The following CSMD2 variants were observed in gnomAD, a reference collection of about 807,000 sequenced individuals.
The protein encoded by CSMD2 is CUB and Sushi multiple domains 2, also known as CUB and sushi domain-containing protein 2.
In CSMD2, 130 loss-of-function variants were observed where a neutral mutation model predicts 398.5. That is an observed-to-expected ratio of 0.33 (90% CI 0.28 to 0.38). The LOEUF is 0.38. Ranked by LOEUF, CSMD2 falls within the 10% of genes least tolerant of loss-of-function variation. The probability of loss-of-function intolerance (pLI) is 1.00; values close to 1 mark genes in which losing one functional copy is unlikely to be tolerated. For synonymous variants in CSMD2, 1,828 were observed against 1,908.5 expected, an observed-to-expected ratio of 0.96 and a Z score of 1.10; for missense variants, 3,829 against 4,764.9, an observed-to-expected ratio of 0.80 and a Z score of 5.78.
chr1:33,903,607 A>G (rs1455812347), intron 5 of CSMD2, among the ~76,000 whole-genome samples: 1 of 152,202 alleles, frequency 6.6e-6, no homozygotes, highest in Non-Finnish European at 1.5e-5. Context: ...TCCTCCAAAC[A>G]AACCAACCTT....
At position 33,696,467 on chromosome 1, in the gene CSMD2, T is replaced by A. The variant is rs562525310; in HGVS notation, c.3925+2286A>T. ...GTTGGGGTGGGAGGTGCCAACCTGA[T>A]TGAAAGATGCCAGGCTGAATGGACC... On this transcript the variant is annotated intron_variant, in intron 24 of 70. Coordinates refer to ENST00000373381, the MANE Select transcript of CSMD2 (RefSeq NM_001281956.2). Among the ~76,000 whole-genome samples the A allele has an allele frequency of 4.6e-5, 7 of 152,172 alleles. No homozygotes were observed. The Middle Eastern group carries it at 0.01, about 222-fold the overall frequency.
intron 10 of CSMD2, among the ~76,000 whole-genome samples, chr1:33,809,808 A>G (rs1031890941): frequency 1.3e-5 from 2 of 152,148 alleles, no homozygotes; most frequent in African/African-American, 4.8e-5. Flanking sequence ...TTTTTACAAG[A>G]TAGTTGCTAA....
chr1:33,851,458 G>C (rs1558003275), intron 5 of CSMD2, among the ~76,000 whole-genome samples: 1 of 152,180 alleles, frequency 6.6e-6, no homozygotes, highest in African/African-American at 2.4e-5. Flanking sequence ...TGGCCTAGGA[G>C]AATGTGAAAT....
chr1:33,995,956 G>A (rs1254159360), intron 3 of CSMD2, among the ~76,000 whole-genome samples: 1 of 152,134 alleles, frequency 6.6e-6, no homozygotes, highest in African/African-American at 2.4e-5. Flanking sequence ...GTCACTTTGT[G>A]GGAAATACAA....
intron 44 of CSMD2, among the ~76,000 whole-genome samples, chr1:33,595,450 C>T (rs908098195): frequency 3.9e-5 from 6 of 152,152 alleles, no homozygotes; most frequent in African/African-American, 1.2e-4. Context: ...TTCTCCACTT[C>T]TTTTTCCCTT....
chr1:33,635,371 GCCTCTTACCAGTGA>G lies in CSMD2; in HGVS notation c.4970-55_4970-42del, dbSNP rs777916314. On this transcript the variant is annotated intron_variant, in intron 30 of 70. Transcript: ENST00000373381. This position sits in a 1 kb window ranked among gnomAD's most constrained non-coding sequence, Gnocchi z 5.0. ...GATAGAGAGTCAGGTGACCTTGTGG[GCCTCTTACCAGTGA>G]CCATCCTCTGTTCTGCCCCAGCCTG... 1 of 1,249,158 alleles carries G rather than the reference GCCTCTTACCAGTGA, an allele frequency of 8.0e-7. No homozygotes were observed. The highest frequency in any genetic ancestry group is 1.2e-5 in the South Asian group (1 of 81,398). The allele number at this position is 1,249,158 out of a possible 1,614,324, so 77.4% of individuals were successfully genotyped here.
rs188256945 is a variant in CSMD2 at position 33,626,477 on chromosome 1, C to T, written c.5296+9G>A. 2.0e-4 allele frequency: 313 copies of T among 1,593,282 alleles called. 1 individual carries two copies. The East Asian group carries it at 6.5e-3, about 33-fold the overall frequency. ...ACCTTCCTACCTCCGGCGTCCATGT[C>T]CTCCATACCTTGGTAGACAAAGTGG... On this transcript the variant is annotated intron_variant, in intron 33 of 70. Coordinates refer to ENST00000373381, the MANE Select transcript of CSMD2 (RefSeq NM_001281956.2).
At chr1:33,784,577 C>T (rs746943897) in intron 12 of CSMD2, among the ~76,000 whole-genome samples, 53 of 152,240 alleles carry the variant, frequency 3.5e-4, no homozygotes, top group Non-Finnish European at 4.9e-4. Context: ...TGGCTCCACG[C>T]CCTGCACTGA....
intron 4 of CSMD2, among the ~76,000 whole-genome samples, chr1:33,932,495 T>C (rs1012496959): frequency 6.6e-6 from 1 of 152,082 alleles, no homozygotes; most frequent in Admixed American, 6.5e-5. Context: ...CCAAAAGACA[T>C]GCCACCCCCG....
At chr1:33,857,572 C>T (rs1256860386) in intron 5 of CSMD2, among the ~76,000 whole-genome samples, 2 of 152,106 alleles carry the variant, frequency 1.3e-5, no homozygotes, top group African/African-American at 2.4e-5. Flanking sequence ...CTGCTTGAGG[C>T]TGGAGCCATG....
chr1:33,846,695 C>T (rs941858541), intron 6 of CSMD2, among the ~76,000 whole-genome samples, 189 bp downstream of exon 6: 1 of 152,178 alleles, frequency 6.6e-6, no homozygotes, highest in African/African-American at 2.4e-5. Flanking sequence ...AAACATCCCT[C>T]TCTGGGGCAA....
At chr1:33,895,919 C>T (rs1198691938) in intron 5 of CSMD2, among the ~76,000 whole-genome samples, 1 of 152,154 alleles carries the variant, frequency 6.6e-6, no homozygotes. Flanking sequence ...ACTGTAGCAC[C>T]TGCTGGCACC....
At chr1:33,967,131 G>C (rs1045208380) in intron 3 of CSMD2, among the ~76,000 whole-genome samples, 2 of 152,152 alleles carry the variant, frequency 1.3e-5, no homozygotes, top group East Asian at 3.8e-4. Flanking sequence ...TGAGGTAGAG[G>C]AGAGTATATT....
chr1:33,910,087 CAG>C (rs1221177035), intron 5 of CSMD2, among the ~76,000 whole-genome samples: 1 of 151,040 alleles, frequency 6.6e-6, no homozygotes, highest in East Asian at 1.9e-4. Flanking sequence ...CTCTTGCCTG[CAG>C]AGTCACAAAA....
Position 33,537,492 on chromosome 1 carries a change from G to A in CSMD2, c.9749C>T (p.Pro3250Leu), listed in dbSNP as rs1217699882. 8 of 1,614,070 alleles carry A rather than the reference G, an allele frequency of 5.0e-6. No homozygotes were observed. Among genetic ancestry groups the A allele is most frequent in the Non-Finnish European group, 6.8e-6 (8 of 1,180,050 alleles). ...CCCATCTGACTGGCAAAACCTGCGT[G>A]GAGAGCCCACCAGCACCAGAGGGGG... The part of the protein sequence containing the change: ...CHPPLVLVGS[P>L]RRFCQSDGTW... The change falls in exon 61 of 71, where the codon CCA becomes CTA. Residue 3250 changes from proline (P) to leucine (L), a missense_variant. Pro to Leu is a moderately conservative substitution (Grantham distance 98). Transcript: ENST00000373381. This position sits in a 1 kb window ranked among gnomAD's most constrained non-coding sequence, Gnocchi z 4.6.
Position 33,790,651 on chromosome 1 carries a change from C to T in CSMD2, c.1550+1772G>A, listed in dbSNP as rs562735394. On this transcript the variant is annotated intron_variant, in intron 11 of 70. Coordinates refer to ENST00000373381, the MANE Select transcript of CSMD2 (RefSeq NM_001281956.2). ...TTACAACAAATTATCTATCTATTTGCTGTTTGTCTGTCTATCTATCTATCT... is the reference window on the plus strand; with the variant it reads ...TTACAACAAATTATCTATCTATTTGTTGTTTGTCTGTCTATCTATCTATCT... Among the ~76,000 whole-genome samples the T allele has an allele frequency of 1.4e-4, 19 of 132,120 alleles. No homozygotes were observed. The South Asian group carries it at 5.1e-3, about 35-fold the overall frequency. 86.7% of individuals were successfully genotyped at this position (132,120 alleles called of 152,430 possible).
At chr1:33,961,027 A>G (rs1645340478) in intron 3 of CSMD2, among the ~76,000 whole-genome samples, 1 of 152,196 alleles carries the variant, frequency 6.6e-6, no homozygotes, top group African/African-American at 2.4e-5. Flanking sequence ...TTTCTGGTTT[A>G]CTGGGCCTTA....
intron 15 of CSMD2, 127 bp downstream of exon 15, chr1:33,739,013 G>T: frequency 1.2e-6 from 1 of 810,300 alleles, no homozygotes; most frequent in Non-Finnish European, 1.9e-6. Flanking sequence ...TGAGAGAGTG[G>T]CCCTTCGTTC....
chr1:33,675,851 C>A (rs1284845871), intron 25 of CSMD2, among the ~76,000 whole-genome samples: 2 of 152,262 alleles, frequency 1.3e-5, no homozygotes, highest in Non-Finnish European at 2.9e-5. Context: ...GAACCAAAGA[C>A]AAAAACCAGA....
Sources: allele counts gnomAD v4.1 joint callset (sites outside exome capture counted in the v4.1 genomes callset), GRCh38; gene constraint gnomAD v4.1.1; non-coding constraint Gnocchi (gnomAD v3.1); transcripts MANE v1.5; gene names NCBI Gene and HGNC (gene_info 2026-07-23, HGNC 2026-07-21).